The following KYNU variants were observed in gnomAD, a reference collection of about 807,000 sequenced individuals.
The protein encoded by KYNU is L-kynurenine hydrolase.
In KYNU, 54 loss-of-function variants were observed where a neutral mutation model predicts 59.2. The observed-to-expected ratio is 0.91, with a 90% CI of 0.73 to 1.14. The LOEUF is 1.14. KYNU is among the 50% of genes most tolerant of loss of function. The pLI is 0.00. For missense variants in KYNU, 567 were observed against 554.4 expected, an observed-to-expected ratio of 1.02 and a Z score of -0.23; for synonymous variants, 177 against 192.0, an observed-to-expected ratio of 0.92 and a Z score of 0.65.
intron 2 of KYNU, among the ~76,000 whole-genome samples, chr2:142,918,120 G>T (rs560075555): frequency 6.6e-6 from 1 of 152,184 alleles, no homozygotes; most frequent in South Asian, 2.1e-4. Flanking sequence ...TATGGATATA[G>T]AATGAAAAAA....
At chr2:142,988,644 G>A (rs992044867) in intron 10 of KYNU, among the ~76,000 whole-genome samples, 1 of 151,848 alleles carries the variant, frequency 6.6e-6, no homozygotes, top group Non-Finnish European at 1.5e-5. Flanking sequence ...ATTTAGCCAT[G>A]GAAATTTATG....
intron 8 of KYNU, among the ~76,000 whole-genome samples, chr2:142,974,829 A>G (rs939359421): frequency 1.3e-5 from 2 of 152,192 alleles, no homozygotes; most frequent in African/African-American, 4.8e-5. Flanking sequence ...TTGAAAGACA[A>G]GCATCAGCTT....
intron 10 of KYNU, among the ~76,000 whole-genome samples, chr2:143,006,488 C>T (rs1186219540): frequency 1.5e-5 from 2 of 129,832 alleles, no homozygotes. Flanking sequence ...GAGGGGCGCC[C>T]GCCATTGCCC....
chr2:142,980,398 C>T (rs1369304098), intron 8 of KYNU, among the ~76,000 whole-genome samples: 1 of 152,000 alleles, frequency 6.6e-6, no homozygotes, highest in African/African-American at 2.4e-5. Flanking sequence ...CTATCTCATC[C>T]TGTGACTTAG....
chr2:143,033,790 C>A (rs1244719476), intron 12 of KYNU, among the ~76,000 whole-genome samples: 2 of 151,952 alleles, frequency 1.3e-5, no homozygotes, highest in Non-Finnish European at 2.9e-5. Context: ...ATGAACTGAC[C>A]AAGTACCATG....
In KYNU at chr2:142,881,667, G is replaced by C. The variant is rs138544424; in HGVS notation, c.-19-3682G>C. ...ATCTTGTGATCCAATATTCCCCTAA[G>C]TTATACACTCAAATATCCAATGACC... On this transcript the variant is annotated intron_variant, in intron 1 of 13. Coordinates refer to ENST00000264170, the MANE Select transcript of KYNU (RefSeq NM_003937.3). Among the ~76,000 whole-genome samples, 55 of 152,220 alleles carry C rather than the reference G, an allele frequency of 3.6e-4. No homozygotes were observed. In the East Asian group the frequency reaches 7.2e-3, roughly 20 times the overall value.
At chr2:143,010,517 C>T (rs1361972180) in intron 10 of KYNU, among the ~76,000 whole-genome samples, 5 of 126,566 alleles carry the variant, frequency 4.0e-5, no homozygotes, top group Non-Finnish European at 8.0e-5. Flanking sequence ...ATGCCATCCC[C>T]ATCAAGCTAC....
At chr2:142,975,470 AAG>A (rs1684857190) in intron 8 of KYNU, among the ~76,000 whole-genome samples, 1 of 152,154 alleles carries the variant, frequency 6.6e-6, no homozygotes, top group Admixed American at 6.5e-5. Flanking sequence ...CAAGTTGTAA[AAG>A]ACTGTCACCT....
chr2:142,896,353 C>A (rs939076962), intron 2 of KYNU, among the ~76,000 whole-genome samples: 2 of 152,034 alleles, frequency 1.3e-5, no homozygotes, highest in Non-Finnish European at 2.9e-5. Flanking sequence ...GTATAAGTAT[C>A]TTATTTTGGT....
chr2:142,921,158 T>C (rs757851776), intron 3 of KYNU, among the ~76,000 whole-genome samples: 5 of 152,172 alleles, frequency 3.3e-5, no homozygotes, highest in Non-Finnish European at 5.9e-5. Context: ...ATATACCAGC[T>C]TGACTAAAGG....
chr2:142,879,822 G>T (rs1198030503), intron 1 of KYNU, among the ~76,000 whole-genome samples: 1 of 152,194 alleles, frequency 6.6e-6, no homozygotes, highest in African/African-American at 2.4e-5. Context: ...ACGCTAATGA[G>T]TATCATTTTT....
Position 142,956,258 on chromosome 2 carries a change from C to G in KYNU, c.491C>G (p.Ala164Gly), listed in dbSNP as rs1336326717. 1 of 1,599,750 alleles carries G rather than the reference C, an allele frequency of 6.3e-7. No individual in the cohort carries two copies. The highest frequency in any genetic ancestry group is 1.1e-5 in the South Asian group (1 of 90,758). The change falls in exon 6 of 14, where the codon GCC becomes GGC. Residue 164 changes from alanine to glycine, a missense_variant. By Grantham distance (60) the Ala-to-Gly change is moderately conservative. Coordinates refer to ENST00000264170, the MANE Select transcript of KYNU (RefSeq NM_003937.3). ...KRYKILLEAK[A>G]FPSDHYAIES... Reference sequence around the variant, plus strand: ...TATAAAATTCTTCTAGAAGCCAAAGCCTTCCCTTCTGATCATGTAAGGACT... The same window carrying G: ...TATAAAATTCTTCTAGAAGCCAAAGGCTTCCCTTCTGATCATGTAAGGACT...
At chr2:142,928,727 G>C (rs565669542) in intron 4 of KYNU, among the ~76,000 whole-genome samples, 2 of 151,912 alleles carry the variant, frequency 1.3e-5, no homozygotes, top group Non-Finnish European at 2.9e-5. Flanking sequence ...GTGAATAAGG[G>C]CTGGGCATAG....
chr2:142,986,991 T>TA (rs1685222892), intron 10 of KYNU, among the ~76,000 whole-genome samples: 1 of 151,844 alleles, frequency 6.6e-6, no homozygotes, highest in Non-Finnish European at 1.5e-5. Context: ...TTCAAGGTTT[T>TA]AAGGTTTTAA....
chr2:142,917,753 G>A (rs554189624), intron 2 of KYNU, among the ~76,000 whole-genome samples: 193 of 152,300 alleles, frequency 1.3e-3, no homozygotes, highest in African/African-American at 4.5e-3. Context: ...AGATGCCAAT[G>A]AAAAACAATA....
At chr2:142,968,401 C>G (rs1370599800) in intron 8 of KYNU, among the ~76,000 whole-genome samples, 1 of 152,130 alleles carries the variant, frequency 6.6e-6, no homozygotes, top group Non-Finnish European at 1.5e-5. Flanking sequence ...GAGGACAAGT[C>G]TATAAAGCAG....
intron 4 of KYNU, among the ~76,000 whole-genome samples, chr2:142,945,995 C>T (rs987882916): frequency 2.6e-5 from 4 of 152,088 alleles, no homozygotes; most frequent in Non-Finnish European, 5.9e-5. Context: ...ACTTTGGCCT[C>T]CCAAAGTGCT....
intron 12 of KYNU, among the ~76,000 whole-genome samples, chr2:143,036,090 G>A (rs922095709): frequency 6.6e-6 from 1 of 151,928 alleles, no homozygotes; most frequent in Non-Finnish European, 1.5e-5. Flanking sequence ...GATGAGGTCT[G>A]GCTATGTTGT....
At chr2:143,041,903 A>G (rs1205984129) in intron 13 of KYNU, 144 bp from the exon 14 acceptor site, 1 of 719,210 alleles carries the variant, frequency 1.4e-6, no homozygotes, top group African/African-American at 1.8e-5. Context: ...GAAAAACACC[A>G]TGTTTTAAAG....
Sources: allele counts gnomAD v4.1 joint callset (sites outside exome capture counted in the v4.1 genomes callset), GRCh38; gene constraint gnomAD v4.1.1; transcripts MANE v1.5; gene names NCBI Gene and HGNC (gene_info 2026-07-23, HGNC 2026-07-21).